Variants in ZNF385C observed in about 807,000 individuals in gnomAD.
The protein encoded by ZNF385C is zinc finger protein 385C, also known as CTD-2132N18.2.
ZNF385C carries 28 observed loss-of-function variants against 35.4 expected under a neutral mutation model. The ratio of observed to expected loss-of-function variants is 0.79; its 90% CI spans 0.59 to 1.08. The LOEUF (loss-of-function observed/expected upper bound fraction) is 1.08, where lower values mean the gene tolerates loss of function less well. ZNF385C is among the 50% of genes least tolerant of loss of function. ZNF385C has a pLI of 0.00. For synonymous variants in ZNF385C, 248 were observed against 248.2 expected (o/e 1.00, Z 0.01); for missense variants, 605 against 595.6 (o/e 1.02, Z -0.16).
Position 42,063,069 on chromosome 17 carries a change from A to T in ZNF385C, c.-2-11T>A. Reference sequence around the variant, plus strand: ...GTGGCCGCTTCATATCTGAGTGGATAGAGAGGGAGATGAATGAACGCCAAA... The same window carrying T: ...GTGGCCGCTTCATATCTGAGTGGATTGAGAGGGAGATGAATGAACGCCAAA... On this transcript the variant is annotated splice_polypyrimidine_tract_variant and intron_variant, in intron 1 of 8. Coordinates refer to ENST00000692273, the MANE Select transcript of ZNF385C (RefSeq NM_001392013.1). 1.7e-6 allele frequency: 1 copy of T among 605,778 alleles called. No homozygotes were observed. Among genetic ancestry groups the T allele is most frequent in the Non-Finnish European group, 2.9e-6 (1 of 340,166 alleles). The allele number at this position is 605,778 out of a possible 1,614,324, so 37.5% of individuals were successfully genotyped here.
intron 2 of ZNF385C, chr17:42,062,090 G>C (rs1379536765): frequency 6.5e-6 from 1 of 152,876 alleles, no homozygotes; most frequent in East Asian, 1.9e-4. Context: ...GGAGCCAGGG[G>C]TAAGTTCCTG....
At chr17:42,040,618 A>G in intron 2 of ZNF385C, 1 of 1,232,318 alleles carries the variant, frequency 8.1e-7, no homozygotes, top group Non-Finnish European at 1.0e-6. Context: ...CAGGGTGGGC[A>G]CCAGGCCAGG....
At chr17:42,061,723 T>A (rs2053464928) in intron 2 of ZNF385C, 1 of 152,506 alleles carries the variant, frequency 6.6e-6, no homozygotes, top group Non-Finnish European at 1.5e-5. Context: ...TCATCCATGT[T>A]CCGAGGCTCA....
At position 42,096,383 on chromosome 17, in the gene ZNF385C, G is replaced by A. The variant is rs112532231; in HGVS notation, c.-3+2027C>T. Among the ~76,000 whole-genome samples, 289 of 152,246 alleles carry A rather than the reference G, an allele frequency of 1.9e-3. 2 individuals are homozygous for A. Among genetic ancestry groups the A allele is most frequent in the African/African-American group, 6.0e-3 (249 of 41,558 alleles). On this transcript the variant is annotated intron_variant, in intron 1 of 8. Coordinates refer to ENST00000692273, the MANE Select transcript of ZNF385C (RefSeq NM_001392013.1). Reference sequence around the variant, plus strand: ...AGGGGACTCACAGTCTCATCCCCTCGGCCCTGCTGATGCCTCATCCCACAG... The same window carrying A: ...AGGGGACTCACAGTCTCATCCCCTCAGCCCTGCTGATGCCTCATCCCACAG...
At chr17:42,039,962 G>A (rs1271176921) in intron 2 of ZNF385C, 3 of 1,231,124 alleles carry the variant, frequency 2.4e-6, no homozygotes, top group Non-Finnish European at 3.0e-6. Context: ...AAGAGCTCGT[G>A]CAGCTCCGAG....
intron 2 of ZNF385C, among the ~76,000 whole-genome samples, chr17:42,058,639 A>C (rs575404554): frequency 1.3e-5 from 2 of 152,192 alleles, no homozygotes; most frequent in Admixed American, 1.3e-4. Flanking sequence ...CCCCCACCTC[A>C]GGGGCAGTTG....
intron 2 of ZNF385C, among the ~76,000 whole-genome samples, chr17:42,047,806 A>G (rs1338709421): frequency 6.6e-6 from 1 of 151,578 alleles, no homozygotes; most frequent in Non-Finnish European, 1.5e-5. Context: ...GGCGCGCACC[A>G]CCATGCCCAG....
chr17:42,035,420 CTCG>C (rs2052831513), intron 3 of ZNF385C, among the ~76,000 whole-genome samples: 1 of 151,812 alleles, frequency 6.6e-6, no homozygotes, highest in Non-Finnish European at 1.5e-5. Context: ...AGACAAAGAA[CTCG>C]TCTGTTGGAA....
intron 2 of ZNF385C, among the ~76,000 whole-genome samples, chr17:42,046,388 T>A (rs1351402837): frequency 6.6e-6 from 1 of 152,100 alleles, no homozygotes; most frequent in Non-Finnish European, 1.5e-5. Context: ...AGCCCAGGAG[T>A]TCCATACCAG....
chr17:42,055,878 T>A (rs1567991089), intron 2 of ZNF385C, among the ~76,000 whole-genome samples: 1 of 151,292 alleles, frequency 6.6e-6, no homozygotes, highest in Non-Finnish European at 1.5e-5. Flanking sequence ...CTAGGGGAGG[T>A]CTGAGGATGC....
chr17:42,040,417 A>T (rs1444567767), intron 2 of ZNF385C: 49 of 1,231,898 alleles, frequency 4.0e-5, no homozygotes, highest in Admixed American at 1.3e-4. Flanking sequence ...CTGAGCTTGG[A>T]GGGAGGCCGC....
At chr17:42,032,993 G>A (rs1555655127) in intron 4 of ZNF385C, among the ~76,000 whole-genome samples, 2 of 152,002 alleles carry the variant, frequency 1.3e-5, no homozygotes, top group Non-Finnish European at 1.5e-5. Flanking sequence ...CAAAGTGCTG[G>A]GATTACAGGC....
intron 1 of ZNF385C, among the ~76,000 whole-genome samples, chr17:42,093,530 A>G (rs1432983816): frequency 6.6e-6 from 1 of 152,160 alleles, no homozygotes; most frequent in Non-Finnish European, 1.5e-5. Context: ...CAGAGGAGTT[A>G]GAGGAGATGA....
intron 1 of ZNF385C, among the ~76,000 whole-genome samples, chr17:42,063,967 G>A (rs374746823): frequency 6.6e-5 from 10 of 152,060 alleles, no homozygotes; most frequent in African/African-American, 1.2e-4. Flanking sequence ...AACCGAGGCC[G>A]AGGCAACAGT....
chr17:42,092,759 G>A (rs1409267812), intron 1 of ZNF385C, among the ~76,000 whole-genome samples: 1 of 152,206 alleles, frequency 6.6e-6, no homozygotes, highest in African/African-American at 2.4e-5. Flanking sequence ...CAGGGAGTGG[G>A]GGAGTGTCCC....
intron 1 of ZNF385C, among the ~76,000 whole-genome samples, chr17:42,069,845 C>T (rs1269332401): frequency 6.6e-6 from 1 of 151,190 alleles, no homozygotes; most frequent in Non-Finnish European, 1.5e-5. Context: ...GAGTTTGAGA[C>T]CAGCCTGGCC....
chr17:42,038,438 TC>T (rs2052917605), intron 2 of ZNF385C: 1 of 194,674 alleles, frequency 5.1e-6, no homozygotes. Context: ...CTAAACTGCT[TC>T]CCCCAGGAGG....
chr17:42,062,424 C>A, intron 2 of ZNF385C: 1 of 175,366 alleles, frequency 5.7e-6, no homozygotes. Flanking sequence ...GACCACAGAC[C>A]TGAGCTGGAG....
intron 1 of ZNF385C, among the ~76,000 whole-genome samples, chr17:42,071,912 G>C (rs1238063361): frequency 6.6e-6 from 1 of 152,190 alleles, no homozygotes; most frequent in Non-Finnish European, 1.5e-5. Flanking sequence ...AGAAGGAGGA[G>C]GGTTGGGAGC....
Sources: gnomAD v4.1 joint callset for allele counts (sites outside exome capture counted in the v4.1 genomes callset) on GRCh38, gnomAD v4.1.1 for gene constraint, MANE v1.5 for transcripts, NCBI Gene and HGNC (gene_info 2026-07-23, HGNC 2026-07-21) for gene names.